The following KCNN3 variants were observed in gnomAD, a reference collection of about 807,000 sequenced individuals.
KCNN3 encodes small conductance calcium-activated potassium channel protein 3.
A neutral mutation model predicts 62.9 loss-of-function variants in KCNN3; 16 were observed. The observed-to-expected ratio is 0.25, with a 90% CI of 0.17 to 0.39. KCNN3 has a LOEUF of 0.39. Among genes scored for constraint, KCNN3 ranks in the 10% least tolerant of loss-of-function variants. The pLI is 1.00. For missense variants in KCNN3, 599 were observed against 949.4 expected, an observed-to-expected ratio of 0.63 and a Z score of 4.85; for synonymous variants, 370 against 389.2, an observed-to-expected ratio of 0.95 and a Z score of 0.58.
intron 1 of KCNN3, among the ~76,000 whole-genome samples, chr1:154,855,932 A>G (rs984741951): frequency 1.3e-5 from 2 of 152,156 alleles, no homozygotes; most frequent in African/African-American, 4.8e-5. Context: ...GATCCCACAG[A>G]GAGCAAAAGC....
At chr1:154,802,980 C>G (rs529425897) in intron 2 of KCNN3, among the ~76,000 whole-genome samples, 2 of 152,182 alleles carry the variant, frequency 1.3e-5, no homozygotes, top group African/African-American at 4.8e-5. Flanking sequence ...CTTTTCACGC[C>G]GTGCATGACA....
In KCNN3 at chr1:154,708,000, C is replaced by T. The variant is rs199920438; in HGVS notation, c.2172G>A (p.Pro724=). The change falls in exon 8 of 8, where the codon CCG becomes CCA. Residue 724 remains proline, a synonymous_variant. Transcript: ENST00000271915. Reference sequence around the variant, plus strand: ...TTTAGCAACTGCTTGAACTTGTGTACGGGGTCGGGAAGGAGGTGGAGCTGA... The same window carrying T: ...TTTAGCAACTGCTTGAACTTGTGTATGGGGTCGGGAAGGAGGTGGAGCTGA... ...IGVSSTSFPT[P]YTSSSSC is the part of the protein sequence containing the mutation. 20 of 1,613,278 alleles carry T rather than the reference C, an allele frequency of 1.2e-5. No individual in the cohort carries two copies. Among genetic ancestry groups the T allele is most frequent in the African/African-American group, 5.3e-5 (4 of 75,006 alleles).
In KCNN3 at chr1:154,726,003, C is replaced by A. The variant is rs1346561867; in HGVS notation, c.1614G>T (p.Val538=). Reference sequence around the variant, plus strand: ...CCAGCTTTCGGGCCACCACGGCCACCACAAGGGCAGTGCAGCCTGCACCCT... The same window carrying A: ...CCAGCTTTCGGGCCACCACGGCCACAACAAGGGCAGTGCAGCCTGCACCCT... ...GIMGAGCTAL[V]VAVVARKLEL... The change falls in exon 5 of 8, where the codon GTG becomes GTT. Residue 538 remains valine (V), a synonymous_variant. Transcript: ENST00000271915. 2 of 1,614,060 alleles carry A rather than the reference C, an allele frequency of 1.2e-6. No individual in the cohort carries two copies. Among genetic ancestry groups the A allele is most frequent in the Admixed American group, 3.3e-5 (2 of 60,024 alleles).
intron 3 of KCNN3, among the ~76,000 whole-genome samples, chr1:154,749,102 G>T (rs960433106): frequency 3.3e-5 from 5 of 152,144 alleles, no homozygotes; most frequent in African/African-American, 1.2e-4. Flanking sequence ...TCTCTCTCAG[G>T]TATCTCATCC....
At chr1:154,734,915 C>T (rs934322673) in intron 3 of KCNN3, among the ~76,000 whole-genome samples, 5 of 152,120 alleles carry the variant, frequency 3.3e-5, no homozygotes, top group African/African-American at 4.8e-5. Flanking sequence ...GAGGCAAAAG[C>T]GACTGGCGTG....
At chr1:154,712,809 T>A in intron 7 of KCNN3, among the ~76,000 whole-genome samples, 1 of 151,730 alleles carries the variant, frequency 6.6e-6, no homozygotes, top group Non-Finnish European at 1.5e-5. Context: ...GCAAGAGGAG[T>A]TTCCTTACAG....
intron 1 of KCNN3, among the ~76,000 whole-genome samples, chr1:154,858,612 G>T (rs1429466983): frequency 6.6e-6 from 1 of 152,182 alleles, no homozygotes; most frequent in African/African-American, 2.4e-5. Context: ...GGGTGTTCAG[G>T]ATATGTTTCC....
At chr1:154,734,546 C>T (rs981484839) in intron 3 of KCNN3, among the ~76,000 whole-genome samples, 1 of 152,212 alleles carries the variant, frequency 6.6e-6, no homozygotes, top group African/African-American at 2.4e-5. Context: ...CTGTGCCCAG[C>T]GAGTGATAGG....
intron 2 of KCNN3, among the ~76,000 whole-genome samples, chr1:154,780,649 G>T (rs1649003488): frequency 6.6e-6 from 1 of 150,572 alleles, no homozygotes; most frequent in Non-Finnish European, 1.5e-5. Flanking sequence ...CATATATTCT[G>T]CATGTACACC....
At chr1:154,822,854 C>T (rs1426317019) in intron 1 of KCNN3, among the ~76,000 whole-genome samples, 4 of 152,184 alleles carry the variant, frequency 2.6e-5, no homozygotes, top group African/African-American at 9.7e-5. Context: ...AGCCCCGTGG[C>T]CTCCACTGCA....
intron 1 of KCNN3, among the ~76,000 whole-genome samples, chr1:154,823,557 C>T (rs1257209313): frequency 6.6e-6 from 1 of 152,190 alleles, no homozygotes; most frequent in Non-Finnish European, 1.5e-5. Context: ...AAGTCAAGGC[C>T]TCTGACTCGC....
intron 4 of KCNN3, among the ~76,000 whole-genome samples, chr1:154,727,086 C>T (rs1046087390): frequency 1.3e-5 from 2 of 152,216 alleles, no homozygotes; most frequent in African/African-American, 2.4e-5. Flanking sequence ...CCTGGCTCTT[C>T]GGCAGGCAGC....
At chr1:154,840,162 T>C (rs1460296432) in intron 1 of KCNN3, among the ~76,000 whole-genome samples, 1 of 152,164 alleles carries the variant, frequency 6.6e-6, no homozygotes, top group Non-Finnish European at 1.5e-5. Flanking sequence ...AATGTACAAA[T>C]TTCACAGGTT....
At chr1:154,801,826 C>T (rs761393649) in intron 2 of KCNN3, among the ~76,000 whole-genome samples, 4 of 152,132 alleles carry the variant, frequency 2.6e-5, no homozygotes, top group Non-Finnish European at 5.9e-5. Context: ...GTGAAAGACT[C>T]GGCCTCCGGG....
intron 1 of KCNN3, among the ~76,000 whole-genome samples, chr1:154,835,543 T>C (rs1651553022): frequency 6.6e-6 from 1 of 152,210 alleles, no homozygotes; most frequent in East Asian, 1.9e-4. Context: ...AGCAAGGTGG[T>C]GTCACAGTGC....
chr1:154,753,324 C>T (rs1353304348), intron 3 of KCNN3, among the ~76,000 whole-genome samples: 1 of 152,164 alleles, frequency 6.6e-6, no homozygotes, highest in African/African-American at 2.4e-5. Flanking sequence ...CCGCTTCTGC[C>T]TGTACTTACT....
At chr1:154,752,324 A>T (rs751520835) in intron 3 of KCNN3, among the ~76,000 whole-genome samples, 2 of 152,186 alleles carry the variant, frequency 1.3e-5, no homozygotes, top group Non-Finnish European at 2.9e-5. Flanking sequence ...CCATCAGCTC[A>T]CCCAAATATA....
chr1:154,725,848 T>C lies in KCNN3; in HGVS notation c.1701+68A>G, dbSNP rs578243390. 4.9e-6 allele frequency: 6 copies of C among 1,213,186 alleles called. No individual in the cohort carries two copies. The Admixed American group carries it at 9.1e-5, about 18-fold the overall frequency. 75.2% of individuals were successfully genotyped at this position (1,213,186 alleles called of 1,614,324 possible). On this transcript the variant is annotated intron_variant, in intron 5 of 7. Transcript: ENST00000271915. Reference sequence around the variant, plus strand: ...GTGAGCCACTGCACCCGTTGGACCATTTGCTTTCTGATTGGCTTCCACTGT... The same window carrying C: ...GTGAGCCACTGCACCCGTTGGACCACTTGCTTTCTGATTGGCTTCCACTGT...
chr1:154,758,422 C>T (rs934767047), intron 3 of KCNN3, among the ~76,000 whole-genome samples: 1 of 152,234 alleles, frequency 6.6e-6, no homozygotes, highest in Non-Finnish European at 1.5e-5. Flanking sequence ...AAGTTCTGTG[C>T]CCCCTCTATT....
Sources: allele counts gnomAD v4.1 joint callset (sites outside exome capture counted in the v4.1 genomes callset), GRCh38; gene constraint gnomAD v4.1.1; transcripts MANE v1.5; gene names NCBI Gene and HGNC (gene_info 2026-07-23, HGNC 2026-07-21).